SIPA1L1: variants seen among roughly 807,000 people sequenced by gnomAD.
The protein encoded by SIPA1L1 is signal-induced proliferation-associated 1-like protein 1.
SIPA1L1 carries 26 observed loss-of-function variants against 162.7 expected under a neutral mutation model. The observed-to-expected ratio is 0.16, with a 90% confidence interval of 0.12 to 0.22. The LOEUF (loss-of-function observed/expected upper bound fraction) is 0.22. Among genes scored for constraint, SIPA1L1 ranks in the 10% least tolerant of loss-of-function variants. The pLI is 1.00. For synonymous variants in SIPA1L1, 829 were observed against 837.4 expected (o/e 0.99, Z 0.17); for missense variants, 1,874 against 2,241.0 (o/e 0.84, Z 3.31).
intron 2 of SIPA1L1, among the ~76,000 whole-genome samples, chr14:71,511,228 TC>T (rs1421400081): frequency 2.6e-5 from 4 of 152,060 alleles, no homozygotes; most frequent in Non-Finnish European, 5.9e-5. Flanking sequence ...CTGGCACAGA[TC>T]TAAAACTTCT....
At chr14:71,410,941 A>G (rs2140293201) in intron 2 of SIPA1L1, among the ~76,000 whole-genome samples, 1 of 152,238 alleles carries the variant, frequency 6.6e-6, no homozygotes, top group East Asian at 1.9e-4. Flanking sequence ...CTTTGAGGCG[A>G]CTTAGATCCA....
At chr14:71,719,372 A>C (rs1283213361) in intron 17 of SIPA1L1, among the ~76,000 whole-genome samples, 6 of 152,178 alleles carry the variant, frequency 3.9e-5, no homozygotes, top group African/African-American at 1.4e-4. Context: ...AGTTTTCCGA[A>C]GTGGTCATAA....
chr14:71,666,705 A>G (rs1190361630), intron 10 of SIPA1L1, among the ~76,000 whole-genome samples: 1 of 152,132 alleles, frequency 6.6e-6, no homozygotes, highest in Non-Finnish European at 1.5e-5. Flanking sequence ...TCTGTATGAT[A>G]TAGTACAAAA....
rs900085344 is a variant in SIPA1L1, at chr14:71,370,555, A to G, written c.-465+49374A>G. 5.3e-5 allele frequency among the ~76,000 whole-genome samples: 8 copies of G among 152,176 alleles called. 1 individual carries two copies. The highest frequency in any genetic ancestry group is 1.2e-4 in the Non-Finnish European group (8 of 68,028). ...GACTGCTGTATAATTGCCCTTCAGTAGTAACACCAACACAACAGTAAGGGG... is the reference window on the plus strand; with the variant it reads ...GACTGCTGTATAATTGCCCTTCAGTGGTAACACCAACACAACAGTAAGGGG... On this transcript the variant is annotated intron_variant, in intron 2 of 23. Transcript: ENST00000381232.
At chr14:71,652,268 C>T (rs1042298630) in intron 8 of SIPA1L1, among the ~76,000 whole-genome samples, 2 of 152,182 alleles carry the variant, frequency 1.3e-5, no homozygotes, top group Admixed American at 1.3e-4. Context: ...CCAAAATAGG[C>T]AACAGCCAGC....
chr14:71,417,500 A>AAAAAAAAACAAAAAAAC (rs1566996062), intron 2 of SIPA1L1, among the ~76,000 whole-genome samples: 1 of 146,410 alleles, frequency 6.8e-6, no homozygotes, highest in East Asian at 2.0e-4. Flanking sequence ...AAAAAAAAAA[A>AAAAAAAAACAAAAAAAC]AAAGAAAATC....
chr14:71,474,690 C>T (rs2047712328), intron 2 of SIPA1L1, among the ~76,000 whole-genome samples: 1 of 152,200 alleles, frequency 6.6e-6, no homozygotes, highest in Non-Finnish European at 1.5e-5. Context: ...TCCCTCCTAT[C>T]AGTACGTAGG....
At chr14:71,569,744 C>G (rs1014205200) in intron 4 of SIPA1L1, among the ~76,000 whole-genome samples, 1 of 152,176 alleles carries the variant, frequency 6.6e-6, no homozygotes, top group Non-Finnish European at 1.5e-5. Flanking sequence ...CACAAGTAGG[C>G]TGGTGTGGTG....
chr14:71,511,587 C>T (rs147209000), intron 2 of SIPA1L1, among the ~76,000 whole-genome samples: 8 of 152,288 alleles, frequency 5.3e-5, no homozygotes, highest in Non-Finnish European at 1.0e-4. Context: ...TTGCTCCTGG[C>T]AGGAGCATCT....
At chr14:71,583,440 G>C (rs932074984) in intron 4 of SIPA1L1, among the ~76,000 whole-genome samples, 18 of 152,196 alleles carry the variant, frequency 1.2e-4, no homozygotes, top group African/African-American at 3.9e-4. Flanking sequence ...AATCTGAGAA[G>C]ATCTCATTTT....
intron 2 of SIPA1L1, among the ~76,000 whole-genome samples, chr14:71,368,040 A>G (rs994339183): frequency 6.6e-6 from 1 of 151,086 alleles, no homozygotes; most frequent in African/African-American, 2.4e-5. Context: ...AAGTCAGAAT[A>G]GAACTTAGAC....
At chr14:71,585,630 CAA>C (rs1249844815) in intron 4 of SIPA1L1, among the ~76,000 whole-genome samples, 1 of 152,030 alleles carries the variant, frequency 6.6e-6, no homozygotes, top group African/African-American at 2.4e-5. Context: ...TGAAATGTGG[CAA>C]GAGTTTTTAT....
At chr14:71,665,060 C>A (rs920785517) in intron 10 of SIPA1L1, among the ~76,000 whole-genome samples, 1 of 152,118 alleles carries the variant, frequency 6.6e-6, no homozygotes, top group Non-Finnish European at 1.5e-5. Flanking sequence ...AATGCTAGGC[C>A]ATCAATTCAA....
At chr14:71,329,846 A>AT (rs2034306823) in intron 2 of SIPA1L1, among the ~76,000 whole-genome samples, 1 of 151,870 alleles carries the variant, frequency 6.6e-6, no homozygotes, top group Non-Finnish European at 1.5e-5. Flanking sequence ...CTGGGTATAT[A>AT]TTTTTTTCCT....
chr14:71,537,335 G>A (rs965158873), intron 4 of SIPA1L1, among the ~76,000 whole-genome samples: 4 of 152,096 alleles, frequency 2.6e-5, no homozygotes, highest in Non-Finnish European at 4.4e-5. Context: ...CAAGTAGCTG[G>A]GATTACAGGC....
chr14:71,373,650 C>CT (rs1246169465), intron 2 of SIPA1L1, among the ~76,000 whole-genome samples: 4 of 140,226 alleles, frequency 2.9e-5, no homozygotes, highest in Non-Finnish European at 4.6e-5. Context: ...GAGTGAGACT[C>CT]TGTCTCCAAA....
intron 2 of SIPA1L1, among the ~76,000 whole-genome samples, chr14:71,446,821 T>G (rs903468368): frequency 1.3e-4 from 20 of 151,532 alleles, no homozygotes; most frequent in African/African-American, 4.6e-4. Flanking sequence ...TCATCTCTCC[T>G]TGACAAACCA....
intron 7 of SIPA1L1, among the ~76,000 whole-genome samples, chr14:71,631,430 A>G (rs188159210): frequency 2.8e-3 from 433 of 152,296 alleles, no homozygotes; most frequent in Non-Finnish European, 5.0e-3. Context: ...ATGGGCATGT[A>G]TGTGTAGATT....
At chr14:71,329,233 T>A (rs2140247972) in intron 2 of SIPA1L1, among the ~76,000 whole-genome samples, 1 of 152,346 alleles carries the variant, frequency 6.6e-6, no homozygotes, top group Non-Finnish European at 1.5e-5. Context: ...AGATATCTCT[T>A]CAAGATCCTG....
Sources: allele counts gnomAD v4.1 joint callset (sites outside exome capture counted in the v4.1 genomes callset), GRCh38; gene constraint gnomAD v4.1.1; transcripts MANE v1.5; gene names NCBI Gene and HGNC (gene_info 2026-07-23, HGNC 2026-07-21).